DGKG: variants seen among roughly 807,000 people sequenced by gnomAD.
DGKG encodes the protein diacylglycerol kinase gamma, also known as DAG kinase gamma.
In DGKG, 78 loss-of-function variants were observed where a neutral mutation model predicts 105.3. The ratio of observed to expected loss-of-function variants is 0.74; its 90% confidence interval spans 0.62 to 0.89. The LOEUF is 0.89. DGKG is among the 40% of genes least tolerant of loss of function. The pLI is 0.00. For missense variants in DGKG, 958 were observed against 1,020.1 expected (o/e 0.94, Z 0.83); for synonymous variants, 346 against 367.1 (o/e 0.94, Z 0.66).
In DGKG at chr3:186,147,873, TG is replaced by T; in HGVS notation, c.*2216del. The T allele has an allele frequency of 3.0e-6, 3 of 985,446 alleles. No homozygotes were observed. The highest frequency in any genetic ancestry group is 3.6e-6 in the Non-Finnish European group (3 of 829,936). The allele number at this position is 985,446 out of a possible 1,614,324, so 61.0% of individuals were successfully genotyped here. A position where few individuals can be genotyped will look rare whatever the true frequency, so the allele number is the denominator to read the frequency against. On this transcript the variant is annotated 3_prime_UTR_variant, in exon 25 of 25. Transcript: ENST00000265022. The stretch of plus-strand genomic sequence containing the variant: ...TACCTGTAGTAATTCTGGAGCTTGT[TG>T]GTCCCATCACCAAGAATACCATCAT...
intron 1 of DGKG, among the ~76,000 whole-genome samples, chr3:186,339,312 CTG>C (rs1165996697): frequency 2.6e-5 from 4 of 152,130 alleles, no homozygotes; most frequent in Non-Finnish European, 4.4e-5. Context: ...TAGTACTGAG[CTG>C]TGTGTGCTAA....
chr3:186,329,751 T>C (rs1199695538), intron 1 of DGKG, among the ~76,000 whole-genome samples: 3 of 152,246 alleles, frequency 2.0e-5, no homozygotes, highest in Admixed American at 2.0e-4. Context: ...ATGCAGGCTT[T>C]GGAGTTTAGT....
rs889092172 is a variant in DGKG at position 186,282,953 on chromosome 3, A to G, written c.594+1707T>C. 2.0e-5 allele frequency among the ~76,000 whole-genome samples: 3 copies of G among 150,984 alleles called. No individual in the cohort carries two copies. The East Asian group carries it at 5.9e-4, about 30-fold the overall frequency. ...GAGACGGAGTCTCCCTCTGTCGCCCAGGCTGGAGTAAGTGGCGTGATCTTG... is the reference window on the plus strand; with the variant it reads ...GAGACGGAGTCTCCCTCTGTCGCCCGGGCTGGAGTAAGTGGCGTGATCTTG... On this transcript the variant is annotated intron_variant, in intron 7 of 24. Coordinates refer to ENST00000265022, the MANE Select transcript of DGKG (RefSeq NM_001346.3).
chr3:186,340,199 A>C (rs1726023922), intron 1 of DGKG, among the ~76,000 whole-genome samples: 1 of 152,226 alleles, frequency 6.6e-6, no homozygotes, highest in Admixed American at 6.5e-5. Context: ...GATGCTTTTC[A>C]GTACCAGCTG....
intron 2 of DGKG, among the ~76,000 whole-genome samples, chr3:186,309,858 A>G (rs955319675): frequency 6.6e-6 from 1 of 152,206 alleles, no homozygotes; most frequent in African/African-American, 2.4e-5. Context: ...TGTGTGATAT[A>G]TATACACACA....
Position 186,199,918 on chromosome 3 carries a change from G to A in DGKG, c.1918-11539C>T, listed in dbSNP as rs146218935. ...TTCATGATAGTCCTCATGAACCTGC[G>A]GGTTTCATGCATGAGATGCAAGTGA... On this transcript the variant is annotated intron_variant, in intron 21 of 24. Coordinates refer to ENST00000265022, the MANE Select transcript of DGKG (RefSeq NM_001346.3). 7.0e-3 allele frequency among the ~76,000 whole-genome samples: 1,060 copies of A among 152,218 alleles called. 11 individuals are homozygous for A. Among genetic ancestry groups the A allele is most frequent in the African/African-American group, 0.022 (899 of 41,522 alleles).
At chr3:186,258,965 G>T (rs1702011687) in intron 16 of DGKG, among the ~76,000 whole-genome samples, 1 of 152,146 alleles carries the variant, frequency 6.6e-6, no homozygotes, top group Admixed American at 6.5e-5. Flanking sequence ...CACCTTGGGG[G>T]TGGAACTTGG....
intron 2 of DGKG, among the ~76,000 whole-genome samples, chr3:186,317,977 A>T (rs568494519): frequency 2.0e-5 from 3 of 152,180 alleles, no homozygotes; most frequent in African/African-American, 7.2e-5. Flanking sequence ...TCTGCAAGGT[A>T]TCTTTGATGG....
chr3:186,226,382 G>A lies in DGKG; in HGVS notation c.1827-14497C>T, dbSNP rs190998220. On this transcript the variant is annotated intron_variant, in intron 20 of 24. Transcript: ENST00000265022. This position sits in a 1 kb window ranked among gnomAD's most constrained non-coding sequence, Gnocchi z 4.2. ...ATGTGTACAAGGCATGAACCAGAAC[G>A]TCAGCTCAAATCAGAGGGCATCCCG... 3.3e-5 allele frequency among the ~76,000 whole-genome samples: 5 copies of A among 152,200 alleles called. No individual in the cohort carries two copies. The highest frequency in any genetic ancestry group is 6.5e-5 in the Admixed American group (1 of 15,276).
chr3:186,288,629 A>G (rs1723177259), intron 6 of DGKG, 81 bp downstream of exon 6: 9 of 1,441,260 alleles, frequency 6.2e-6, no homozygotes, highest in East Asian at 2.3e-5. Flanking sequence ...CTCAATCTCC[A>G]GTGTGTTTAG....
chr3:186,236,397 C>A (rs924464442), intron 20 of DGKG, among the ~76,000 whole-genome samples: 2 of 152,156 alleles, frequency 1.3e-5, no homozygotes, highest in Non-Finnish European at 2.9e-5. Context: ...ATGTTTATTG[C>A]GAACCTCCTG....
chr3:186,267,779 T>TG lies in DGKG; in HGVS notation c.1117-3dup, dbSNP rs750022490. The TG allele has an allele frequency of 6.2e-6, 10 of 1,613,420 alleles. No homozygotes were observed. Among genetic ancestry groups the TG allele is most frequent in the Non-Finnish European group, 8.5e-6 (10 of 1,179,566 alleles). ...TGATAATTCACATTTGCGGTGAAAC[T>TG]GGGGGGAGAAATGAAAAAGAGAGTG... On this transcript the variant is annotated splice_region_variant and splice_polypyrimidine_tract_variant and intron_variant, in intron 12 of 24. Coordinates refer to ENST00000265022, the MANE Select transcript of DGKG (RefSeq NM_001346.3).
At position 186,158,463 on chromosome 3, in the gene DGKG, G is replaced by A. The variant is rs1413416537; in HGVS notation, c.2277+3140C>T. The A allele has an allele frequency of 6.2e-6, 6 of 968,088 alleles. No homozygotes were observed. The East Asian group carries it at 5.7e-4, about 92-fold the overall frequency. 60.0% of individuals were successfully genotyped at this position (968,088 alleles called of 1,614,324 possible). A position where few individuals can be genotyped will look rare whatever the true frequency, so the allele number is the denominator to read the frequency against. The stretch of plus-strand genomic sequence containing the variant: ...TTAAGTCTCCAAGTGACTAAATTTT[G>A]TTTATTCACTTAATCTTCTATTAGT... On this transcript the variant is annotated intron_variant, in intron 24 of 24. Transcript: ENST00000265022.
chr3:186,237,136 T>A (rs775632372), intron 20 of DGKG, among the ~76,000 whole-genome samples: 3 of 152,236 alleles, frequency 2.0e-5, no homozygotes, highest in Non-Finnish European at 2.9e-5. Flanking sequence ...AGAGTCCCTC[T>A]CCTTCTCCCT....
chr3:186,176,313 C>A, intron 22 of DGKG, among the ~76,000 whole-genome samples: 1 of 152,332 alleles, frequency 6.6e-6, no homozygotes, highest in East Asian at 1.9e-4. Flanking sequence ...AATCCTGATT[C>A]TCAGGCGTGG....
chr3:186,308,457 T>G (rs527382944), intron 2 of DGKG, among the ~76,000 whole-genome samples: 1 of 152,282 alleles, frequency 6.6e-6, no homozygotes, highest in Admixed American at 6.5e-5. Flanking sequence ...ACGATGTTAT[T>G]AAAAGCTCAC....
rs1289988064 is a variant in DGKG at position 186,343,523 on chromosome 3, C to T, written c.-249+18423G>A. Among the ~76,000 whole-genome samples the T allele has an allele frequency of 5.9e-5, 9 of 152,166 alleles. No individual in the cohort carries two copies. The East Asian group carries it at 9.7e-4, about 16-fold the overall frequency. ...GCCCAGGCTGGTCTCAATTTCCTGACCTCAAGCAATCTGCCTGCCTCCCAA... is the reference window on the plus strand; with the variant it reads ...GCCCAGGCTGGTCTCAATTTCCTGATCTCAAGCAATCTGCCTGCCTCCCAA... On this transcript the variant is annotated intron_variant, in intron 1 of 24. Transcript: ENST00000265022.
intron 3 of DGKG, among the ~76,000 whole-genome samples, chr3:186,302,928 A>G (rs1724048355): frequency 6.6e-6 from 1 of 152,186 alleles, no homozygotes; most frequent in Non-Finnish European, 1.5e-5. Flanking sequence ...GAACATGCAA[A>G]CCAGAAGAGT....
Position 186,231,270 on chromosome 3 carries a change from CT to C in DGKG, c.1826+11233del, listed in dbSNP as rs1720137440. Among the ~76,000 whole-genome samples, 1 of 152,002 alleles carries C rather than the reference CT, an allele frequency of 6.6e-6. No homozygotes were observed. The highest frequency in any genetic ancestry group is 2.1e-4 in the South Asian group (1 of 4,834). ...TTTTCTAGTCTTTTTTTGGGTGCAT[CT>C]TTGGTCATGGGGCACAAAACTGGGC... On this transcript the variant is annotated intron_variant, in intron 20 of 24. Transcript: ENST00000265022. This position sits in a 1 kb window ranked among gnomAD's most constrained non-coding sequence, Gnocchi z 4.5.
Sources: gnomAD v4.1 joint callset for allele counts (sites outside exome capture counted in the v4.1 genomes callset) on GRCh38, gnomAD v4.1.1 for gene constraint, Gnocchi (gnomAD v3.1) non-coding constraint, MANE v1.5 for transcripts, NCBI Gene and HGNC (gene_info 2026-07-23, HGNC 2026-07-21) for gene names.